The following FBXL17 variants were observed in gnomAD, a reference collection of about 807,000 sequenced individuals.
FBXL17 encodes the protein F-box/LRR-repeat protein 17.
A neutral mutation model predicts 66.2 loss-of-function variants in FBXL17; 22 were observed. The ratio of observed to expected loss-of-function variants is 0.33; its 90% CI spans 0.24 to 0.47. The LOEUF is 0.47. Ranked by LOEUF, FBXL17 falls within the 20% of genes least tolerant of loss-of-function variation. The probability of loss-of-function intolerance (pLI) is 1.00; values close to 1 mark genes in which losing one functional copy is unlikely to be tolerated. For synonymous variants in FBXL17, 474 were observed against 400.5 expected (o/e 1.18, Z -2.19); for missense variants, 878 against 948.2 (o/e 0.93, Z 0.97).
intron 4 of FBXL17, among the ~76,000 whole-genome samples, chr5:108,269,871 A>T (rs1757195537): frequency 6.6e-6 from 1 of 152,102 alleles, no homozygotes; most frequent in African/African-American, 2.4e-5. Flanking sequence ...TTACTACTTG[A>T]AACACTGAAT....
intron 7 of FBXL17, among the ~76,000 whole-genome samples, chr5:107,966,763 A>T (rs1436005089): frequency 6.6e-6 from 1 of 152,146 alleles, no homozygotes; most frequent in Non-Finnish European, 1.5e-5. Context: ...CTTATTGTAC[A>T]ACTATCACCA....
At chr5:108,009,442 C>T (rs745993905) in intron 7 of FBXL17, among the ~76,000 whole-genome samples, 4 of 150,664 alleles carry the variant, frequency 2.7e-5, no homozygotes, top group Non-Finnish European at 5.9e-5. Flanking sequence ...CTTTTCTCTG[C>T]CCTCACTCAG....
rs994547629 is a variant in FBXL17 at position 108,364,917 on chromosome 5, T to C, written c.1195A>G (p.Met399Val). ...IEINISDCRS[M>V]SDNGVCVLAF... Reference sequence around the variant, plus strand: ...AAAACACATACGCCATTATCAGACATACTGCGACAATCAGAAATGTTGATT... The same window carrying C: ...AAAACACATACGCCATTATCAGACACACTGCGACAATCAGAAATGTTGATT... The change falls in exon 3 of 9, where the codon ATG (methionine) becomes GTG (valine). Residue 399 changes from methionine (M) to valine (V), a missense_variant. Met to Val is a conservative substitution (Grantham distance 21). Around this residue, in one of 4 missense-constraint regions of FBXL17, gnomAD observed 236 missense variants for 389.1 expected, o/e 0.61. Transcript: ENST00000542267. 6.2e-7 allele frequency: 1 copy of C among 1,612,774 alleles called. No individual in the cohort carries two copies. Among genetic ancestry groups the C allele is most frequent in the Non-Finnish European group, 8.5e-7 (1 of 1,179,008 alleles).
chr5:107,934,705 A>T lies in FBXL17; in HGVS notation c.1823-53526T>A, dbSNP rs115627888. Reference sequence around the variant, plus strand: ...TTATTGGGGGCTGGTGGAGAGGGAGAATCCCAGCGATTGCTATGACTGTAT... The same window carrying T: ...TTATTGGGGGCTGGTGGAGAGGGAGTATCCCAGCGATTGCTATGACTGTAT... On this transcript the variant is annotated intron_variant, in intron 7 of 8. Coordinates refer to ENST00000542267, the MANE Select transcript of FBXL17 (RefSeq NM_001163315.3). 9.3e-3 allele frequency among the ~76,000 whole-genome samples: 1,415 copies of T among 152,136 alleles called. 26 individuals are homozygous for T. The highest frequency in any genetic ancestry group is 0.033 in the African/African-American group (1,373 of 41,522).
intron 6 of FBXL17, among the ~76,000 whole-genome samples, chr5:108,148,317 T>C (rs1372878796): frequency 6.6e-6 from 1 of 152,204 alleles, no homozygotes; most frequent in Admixed American, 6.5e-5. Context: ...GGAATCCTGA[T>C]ATTCCACTGA....
intron 4 of FBXL17, among the ~76,000 whole-genome samples, chr5:108,286,390 C>T (rs536094127): frequency 2.8e-4 from 43 of 152,086 alleles, no homozygotes; most frequent in African/African-American, 8.4e-4. Context: ...ATCTAGAAAA[C>T]CCTGTAGCAT....
intron 6 of FBXL17, among the ~76,000 whole-genome samples, chr5:108,032,821 T>C (rs1000957090): frequency 6.6e-6 from 1 of 152,208 alleles, no homozygotes; most frequent in African/African-American, 2.4e-5. Flanking sequence ...CACAGGAAAC[T>C]AATACAGTGT....
At chr5:108,217,539 C>T (rs1296136662) in intron 5 of FBXL17, among the ~76,000 whole-genome samples, 3 of 151,928 alleles carry the variant, frequency 2.0e-5, no homozygotes, top group Non-Finnish European at 4.4e-5. Context: ...TTTTTGCTTT[C>T]CATTTCAACA....
intron 5 of FBXL17, among the ~76,000 whole-genome samples, chr5:108,209,715 T>G (rs906375311): frequency 6.6e-6 from 1 of 152,214 alleles, no homozygotes; most frequent in Non-Finnish European, 1.5e-5. Context: ...GGTTTGCCAG[T>G]ATTTTATTGA....
chr5:108,304,630 C>T (rs1758751276), intron 4 of FBXL17, among the ~76,000 whole-genome samples: 2 of 151,410 alleles, frequency 1.3e-5, no homozygotes, highest in South Asian at 4.2e-4. Flanking sequence ...CTTTGGGTTG[C>T]CAAAAACAAA....
intron 4 of FBXL17, among the ~76,000 whole-genome samples, chr5:108,251,356 T>C (rs888806358): frequency 1.3e-5 from 2 of 152,102 alleles, no homozygotes; most frequent in Non-Finnish European, 2.9e-5. Context: ...CATATGTTTA[T>C]TCCAAGATGG....
At chr5:108,216,569 G>A (rs1225049536) in intron 5 of FBXL17, among the ~76,000 whole-genome samples, 5 of 151,920 alleles carry the variant, frequency 3.3e-5, no homozygotes, top group Non-Finnish European at 4.4e-5. Flanking sequence ...TATTTATGGT[G>A]TACAGCATGA....
At chr5:108,211,565 T>C (rs1754372885) in intron 5 of FBXL17, among the ~76,000 whole-genome samples, 1 of 152,234 alleles carries the variant, frequency 6.6e-6, no homozygotes, top group African/African-American at 2.4e-5. Context: ...TAAAGGACTT[T>C]ATTTCTCCTT....
At chr5:108,162,019 T>A (rs1752236258) in intron 6 of FBXL17, among the ~76,000 whole-genome samples, 1 of 152,226 alleles carries the variant, frequency 6.6e-6, no homozygotes, top group Non-Finnish European at 1.5e-5. Flanking sequence ...AAATAGAAAT[T>A]ATGAAAACGT....
At chr5:108,156,089 A>G (rs1241172996) in intron 6 of FBXL17, among the ~76,000 whole-genome samples, 2 of 152,150 alleles carry the variant, frequency 1.3e-5, no homozygotes, top group African/African-American at 4.8e-5. Flanking sequence ...TAAACTATTA[A>G]AACTTGGGAA....
chr5:108,009,294 T>TAGATAGATAGATAGATAGAGAG (rs1451083581), intron 7 of FBXL17, among the ~76,000 whole-genome samples: 1 of 68,508 alleles, frequency 1.5e-5, no homozygotes, highest in Non-Finnish European at 2.6e-5. Flanking sequence ...TATATATATA[T>TAGATAGATAGATAGATAGAGAG]ATATATACAT....
At chr5:108,322,253 A>C (rs1395233113) in intron 4 of FBXL17, among the ~76,000 whole-genome samples, 1 of 151,996 alleles carries the variant, frequency 6.6e-6, no homozygotes, top group African/African-American at 2.4e-5. Flanking sequence ...GACATAATTT[A>C]TTTAATTGCA....
intron 4 of FBXL17, among the ~76,000 whole-genome samples, chr5:108,313,810 T>G (rs985124275): frequency 6.6e-6 from 1 of 151,938 alleles, no homozygotes; most frequent in Non-Finnish European, 1.5e-5. Context: ...TCCCAAAGCA[T>G]ATCTAAAAAA....
At chr5:107,862,194 A>G (rs974010018) in intron 8 of FBXL17, among the ~76,000 whole-genome samples, 3 of 152,090 alleles carry the variant, frequency 2.0e-5, no homozygotes, top group Admixed American at 6.6e-5. Flanking sequence ...GCAGTAAGAT[A>G]GCTAATGTGC....
Sources: allele counts gnomAD v4.1 joint callset (sites outside exome capture counted in the v4.1 genomes callset), GRCh38; gene constraint gnomAD v4.1.1; regional missense constraint gnomAD v4.1.1; transcripts MANE v1.5; gene names NCBI Gene and HGNC (gene_info 2026-07-23, HGNC 2026-07-21).